The following COG2 variants were observed in gnomAD, a reference collection of about 807,000 sequenced individuals.
COG2 encodes component of oligomeric golgi complex 2, also known as conserved oligomeric Golgi complex subunit 2.
COG2 carries 52 observed loss-of-function variants against 90.6 expected under a neutral mutation model. The observed-to-expected ratio is 0.57, with a 90% CI of 0.46 to 0.72. The LOEUF (loss-of-function observed/expected upper bound fraction) is 0.72. COG2 is among the 30% of genes least tolerant of loss of function. The probability of loss-of-function intolerance (pLI) is 0.00; values close to 1 mark genes in which losing one functional copy is unlikely to be tolerated. For missense variants in COG2, 829 were observed against 891.2 expected, an observed-to-expected ratio of 0.93 and a Z score of 0.89; for synonymous variants, 337 against 320.4, an observed-to-expected ratio of 1.05 and a Z score of -0.55.
chr1:230,660,507 A>C (rs2102750113), intron 2 of COG2, among the ~76,000 whole-genome samples: 1 of 152,278 alleles, frequency 6.6e-6, no homozygotes, highest in Admixed American at 6.5e-5. Context: ...ATTGTGCCTA[A>C]GGAGGCTTTT....
chr1:230,657,010 T>C (rs1267673876), intron 1 of COG2, among the ~76,000 whole-genome samples: 2 of 152,218 alleles, frequency 1.3e-5, no homozygotes, highest in Non-Finnish European at 2.9e-5. Flanking sequence ...CTGATGGGTC[T>C]TGACTCTATC....
rs144793772 is a variant in COG2, at chr1:230,658,071, A to G, written c.73-1393A>G. The stretch of plus-strand genomic sequence containing the variant: ...CACCTTCCAAAGCCTGCTTCTGTCA[A>G]TTTGTCAAACTCATTCTCCGTCCAG... On this transcript the variant is annotated intron_variant, in intron 1 of 17. Transcript: ENST00000366669. Among the ~76,000 whole-genome samples, 821 of 151,766 alleles carry G rather than the reference A, an allele frequency of 5.4e-3. 11 individuals are homozygous for G. Among genetic ancestry groups the G allele is most frequent in the African/African-American group, 0.019 (775 of 41,482 alleles).
At chr1:230,664,133 G>A (rs1043227701) in intron 4 of COG2, among the ~76,000 whole-genome samples, 2 of 152,016 alleles carry the variant, frequency 1.3e-5, no homozygotes, top group South Asian at 4.2e-4. Context: ...AGGCTGCAGT[G>A]AGCCAAGATC....
intron 10 of COG2, chr1:230,681,733 C>T (rs1223476808): frequency 6.6e-6 from 1 of 151,702 alleles, no homozygotes; most frequent in African/African-American, 2.4e-5. Context: ...GCAGAGGTTC[C>T]CTCTCACTTT....
intron 4 of COG2, 136 bp downstream of exon 4, chr1:230,663,357 T>G (rs951653184): frequency 1.1e-5 from 4 of 359,894 alleles, no homozygotes; most frequent in Non-Finnish European, 2.0e-5. Flanking sequence ...TCTTTTATAT[T>G]AAAGTGTTTA....
Position 230,668,730 on chromosome 1 carries a change from A to G in COG2, c.540A>G (p.Leu180=), listed in dbSNP as rs1054874983. 1 of 1,613,208 alleles carries G rather than the reference A, an allele frequency of 6.2e-7. No individual in the cohort carries two copies. The change falls in exon 6 of 18, where the codon TTA becomes TTG. Residue 180 remains leucine (L), a synonymous_variant. Transcript: ENST00000366669. ...GAATTGCCACAGAATTTAATCAGTT[A>G]CAGTTTCATGCTGTTCAAAGCAAAG... ...LERIATEFNQ[L]QFHAVQSKGM...
At chr1:230,677,791 A>G (rs1330493843) in intron 9 of COG2, among the ~76,000 whole-genome samples, 2 of 152,214 alleles carry the variant, frequency 1.3e-5, no homozygotes, top group Non-Finnish European at 2.9e-5. Flanking sequence ...AGCAGATAGT[A>G]TCCATTTATT....
At chr1:230,690,347 CT>C (rs1485649507) in intron 16 of COG2, 194 bp downstream of exon 16, 42 of 487,388 alleles carry the variant, frequency 8.6e-5, no homozygotes, top group Non-Finnish European at 1.4e-4. Flanking sequence ...TGTGGGCTGG[CT>C]TCCTCTGCCT....
intron 1 of COG2, among the ~76,000 whole-genome samples, chr1:230,653,952 T>C (rs771496265): frequency 6.6e-6 from 1 of 152,188 alleles, no homozygotes; most frequent in Non-Finnish European, 1.5e-5. Context: ...AGGTATCCTC[T>C]CAACTCTTGT....
rs372936202 is a variant in COG2 at position 230,668,662 on chromosome 1, G to C, written c.486-14G>C. 1.3e-6 allele frequency: 2 copies of C among 1,551,092 alleles called. No individual in the cohort carries two copies. Among genetic ancestry groups the C allele is most frequent in the African/African-American group, 2.7e-5 (2 of 73,390 alleles). ...CCTTAGGGGTTACACTTCTATAACT[G>C]TTTTCTCTACTAGCCCCCTTTTGAC... On this transcript the variant is annotated splice_polypyrimidine_tract_variant and intron_variant, in intron 5 of 17. Coordinates refer to ENST00000366669, the MANE Select transcript of COG2 (RefSeq NM_007357.3).
At chr1:230,683,822 C>T (rs1336369897) in intron 11 of COG2, among the ~76,000 whole-genome samples, 187 bp downstream of exon 11, 2 of 150,790 alleles carry the variant, frequency 1.3e-5, no homozygotes, top group Non-Finnish European at 2.9e-5. Context: ...GATGGAGTCT[C>T]GCTGTGTTGC....
chr1:230,690,288 G>T, intron 16 of COG2, 135 bp downstream of exon 16: 2 of 750,870 alleles, frequency 2.7e-6, no homozygotes. Flanking sequence ...TAGTCAGAGT[G>T]TGTGTCCCAC....
chr1:230,685,997 G>A (rs1405095997), intron 12 of COG2, among the ~76,000 whole-genome samples: 1 of 152,248 alleles, frequency 6.6e-6, no homozygotes, highest in Non-Finnish European at 1.5e-5. Context: ...GTAATTTGGA[G>A]TAGGAAAGGA....
intron 14 of COG2, 47 bp from the exon 15 acceptor site, chr1:230,688,373 G>T (rs750664041): frequency 6.8e-6 from 11 of 1,607,630 alleles, no homozygotes; most frequent in Non-Finnish European, 9.4e-6. Context: ...TGAAGTTCAT[G>T]TCTGGGCCTG....
intron 14 of COG2, 135 bp from the exon 15 acceptor site, chr1:230,688,285 T>G: frequency 2.3e-6 from 3 of 1,291,618 alleles, no homozygotes; most frequent in Non-Finnish European, 3.2e-6. Flanking sequence ...ATAACTTACC[T>G]AAATAAGATG....
At chr1:230,673,645 T>C (rs1662513522) in intron 8 of COG2, among the ~76,000 whole-genome samples, 1 of 152,226 alleles carries the variant, frequency 6.6e-6, no homozygotes, top group South Asian at 2.1e-4. Flanking sequence ...GCTTTCTTTC[T>C]CTAGATACCT....
At position 230,691,315 on chromosome 1, in the gene COG2, A is replaced by C. The variant is rs879239800; in HGVS notation, c.1935-69A>C. 6.5e-6 allele frequency: 9 copies of C among 1,374,082 alleles called. No individual in the cohort carries two copies. The South Asian group carries it at 1.1e-4, about 17-fold the overall frequency. 85.1% of individuals were successfully genotyped at this position (1,374,082 alleles called of 1,614,324 possible). A position where few individuals can be genotyped will look rare whatever the true frequency, so the allele number is the denominator to read the frequency against. On this transcript the variant is annotated intron_variant, in intron 16 of 17. Coordinates refer to ENST00000366669, the MANE Select transcript of COG2 (RefSeq NM_007357.3). ...AAAAATCTCTTTTTTTGGTCCACAA[A>C]GCCAGTTACTCTATTTGGTGTTACA... is the stretch of plus-strand genomic sequence containing the variant.
At chr1:230,663,011 T>G (rs1662221525) in intron 3 of COG2, 130 bp from the exon 4 acceptor site, 1 of 558,518 alleles carries the variant, frequency 1.8e-6, no homozygotes, top group Admixed American at 4.0e-5. Context: ...TGTCTAATAT[T>G]TTGTAATTTG....
chr1:230,665,365 C>A (rs1662295207), intron 5 of COG2, among the ~76,000 whole-genome samples: 1 of 152,180 alleles, frequency 6.6e-6, no homozygotes, highest in Non-Finnish European at 1.5e-5. Context: ...GAGCCTAACA[C>A]AAGCATCTCT....
Sources: gnomAD v4.1 joint callset for allele counts (sites outside exome capture counted in the v4.1 genomes callset) on GRCh38, gnomAD v4.1.1 for gene constraint, MANE v1.5 for transcripts, NCBI Gene and HGNC (gene_info 2026-07-23, HGNC 2026-07-21) for gene names.